The following RNF38 variants were observed in gnomAD, a reference collection of about 807,000 sequenced individuals.
RNF38 encodes the protein ring finger protein 38.
In RNF38, 15 loss-of-function variants were observed where a neutral mutation model predicts 67.2. The ratio of observed to expected loss-of-function variants is 0.22; its 90% CI spans 0.15 to 0.34. The LOEUF (loss-of-function observed/expected upper bound fraction) is 0.34, where lower values mean the gene tolerates loss of function less well. Among genes scored for constraint, RNF38 ranks in the 10% least tolerant of loss-of-function variants. The probability of loss-of-function intolerance (pLI) is 1.00; values close to 1 mark genes in which losing one functional copy is unlikely to be tolerated. For synonymous variants in RNF38, 220 were observed against 218.8 expected, an observed-to-expected ratio of 1.01 and a Z score of -0.05; for missense variants, 524 against 639.9, an observed-to-expected ratio of 0.82 and a Z score of 1.95.
At chr9:36,438,722 G>C (rs935490934) in intron 1 of RNF38, among the ~76,000 whole-genome samples, 31 of 152,282 alleles carry the variant, frequency 2.0e-4, no homozygotes, top group African/African-American at 7.2e-4. Flanking sequence ...GATGACAATG[G>C]TATTTCTACC....
At chr9:36,440,044 G>A (rs1461742691) in intron 1 of RNF38, among the ~76,000 whole-genome samples, 4 of 151,990 alleles carry the variant, frequency 2.6e-5, no homozygotes, top group East Asian at 1.9e-4. Context: ...TCAGGAGTTC[G>A]AGGCCAGCCT....
chr9:36,434,833 A>G (rs1839025059), intron 1 of RNF38, among the ~76,000 whole-genome samples: 1 of 152,236 alleles, frequency 6.6e-6, no homozygotes, highest in South Asian at 2.1e-4. Context: ...TGAGGGCAGG[A>G]AATTCCCTTG....
intron 2 of RNF38, among the ~76,000 whole-genome samples, chr9:36,413,260 TC>T (rs1482796561): frequency 6.7e-6 from 1 of 149,728 alleles, no homozygotes; most frequent in Non-Finnish European, 1.5e-5. Flanking sequence ...GCATGGCATC[TC>T]CCCACAACTC....
At chr9:36,482,801 A>C (rs921362291) in intron 1 of RNF38, among the ~76,000 whole-genome samples, 1 of 152,198 alleles carries the variant, frequency 6.6e-6, no homozygotes, top group Non-Finnish European at 1.5e-5. Flanking sequence ...GAACTCTTGA[A>C]GCCCCTAGGG....
At chr9:36,342,730 T>TAC (rs1832943436) in intron 10 of RNF38, among the ~76,000 whole-genome samples, 1 of 152,174 alleles carries the variant, frequency 6.6e-6, no homozygotes, top group African/African-American at 2.4e-5. Flanking sequence ...GGTGGACCCC[T>TAC]ACCTCATACC....
chr9:36,486,728 T>C (rs1053414136), intron 1 of RNF38, among the ~76,000 whole-genome samples: 2 of 151,686 alleles, frequency 1.3e-5, no homozygotes, highest in African/African-American at 4.8e-5. Flanking sequence ...CGCACAGAAG[T>C]CTTTCCCGCT....
intron 1 of RNF38, among the ~76,000 whole-genome samples, chr9:36,472,726 C>A (rs534107244): frequency 7.8e-4 from 119 of 152,268 alleles, no homozygotes; most frequent in African/African-American, 2.8e-3. Flanking sequence ...TTTAAGTGCC[C>A]AAACAAGCAC....
chr9:36,431,463 A>G (rs902668517), intron 1 of RNF38, among the ~76,000 whole-genome samples: 1 of 152,240 alleles, frequency 6.6e-6, no homozygotes, highest in East Asian at 1.9e-4. Context: ...CCAGTCATAT[A>G]CATAGTCCCT....
At chr9:36,465,064 C>G (rs1234850054) in intron 1 of RNF38, among the ~76,000 whole-genome samples, 1 of 152,180 alleles carries the variant, frequency 6.6e-6, no homozygotes, top group Non-Finnish European at 1.5e-5. Flanking sequence ...GATACCACTT[C>G]CCACCCACTA....
Position 36,400,179 on chromosome 9 carries a change from A to C in RNF38, c.-71T>G. Reference sequence around the variant, plus strand: ...TGAAACACTCCCGTTTCAAAAACCAACCTCTCTCACGCTTCAACCCTGAAA... The same window carrying C: ...TGAAACACTCCCGTTTCAAAAACCACCCTCTCTCACGCTTCAACCCTGAAA... On this transcript the variant is annotated 5_prime_UTR_variant, in exon 1 of 12. Transcript: ENST00000259605. 1 of 1,589,998 alleles carries C rather than the reference A, an allele frequency of 6.3e-7. No homozygotes were observed. The highest frequency in any genetic ancestry group is 8.6e-7 in the Non-Finnish European group (1 of 1,168,762).
chr9:36,339,824 AAAAAGG>A lies in RNF38; in HGVS notation c.1486-16_1486-11del, dbSNP rs1450795849. The A allele has an allele frequency of 6.2e-7, 1 of 1,608,578 alleles. No individual in the cohort carries two copies. Among genetic ancestry groups the A allele is most frequent in the Non-Finnish European group, 8.5e-7 (1 of 1,176,454 alleles). On this transcript the variant is annotated splice_polypyrimidine_tract_variant and intron_variant, in intron 11 of 11. Transcript: ENST00000259605. The stretch of plus-strand genomic sequence containing the variant: ...GGCAAGTACGATTTGCCTACAAAAC[AAAAAGG>A]AAAACTTGTTTAAATTGTGACACAT...
chr9:36,430,300 G>A (rs541016779), intron 1 of RNF38, among the ~76,000 whole-genome samples: 1 of 152,076 alleles, frequency 6.6e-6, no homozygotes, highest in Non-Finnish European at 1.5e-5. Context: ...TCCTCCTCCC[G>A]GGTTCAAGCG....
At chr9:36,422,365 C>A (rs905132034) in intron 2 of RNF38, among the ~76,000 whole-genome samples, 1 of 150,758 alleles carries the variant, frequency 6.6e-6, no homozygotes, top group Non-Finnish European at 1.5e-5. Flanking sequence ...TGCAGTGAGC[C>A]AAGACTGTAC....
At chr9:36,426,554 C>A (rs1473335870) in intron 1 of RNF38, among the ~76,000 whole-genome samples, 1 of 152,202 alleles carries the variant, frequency 6.6e-6, no homozygotes, top group African/African-American at 2.4e-5. Context: ...CATTTTGTTT[C>A]ACTCTGGAAA....
In RNF38 at chr9:36,339,113, C is replaced by G. The variant is rs1832661038; in HGVS notation, c.*639G>C. On this transcript the variant is annotated 3_prime_UTR_variant, in exon 12 of 12. Transcript: ENST00000259605. ...TATTCAATGCTTGTAATTGATGCACCCTCAGCAATCAGTGTGCAACAGCAA... is the reference window on the plus strand; with the variant it reads ...TATTCAATGCTTGTAATTGATGCACGCTCAGCAATCAGTGTGCAACAGCAA... 1.3e-5 allele frequency: 2 copies of G among 152,540 alleles called. No individual in the cohort carries two copies. The highest frequency in any genetic ancestry group is 1.3e-4 in the Admixed American group (2 of 15,270). 9.4% of individuals were successfully genotyped at this position (152,540 alleles called of 1,614,324 possible). A position where few individuals can be genotyped will look rare whatever the true frequency, so the allele number is the denominator to read the frequency against.
chr9:36,428,779 A>T (rs1427095357), intron 1 of RNF38, among the ~76,000 whole-genome samples: 1 of 152,188 alleles, frequency 6.6e-6, no homozygotes, highest in Non-Finnish European at 1.5e-5. Flanking sequence ...TGAAAGGTCC[A>T]TTCTAAAGAC....
At chr9:36,401,955 T>G (rs1335584730), upstream of RNF38, among the ~76,000 whole-genome samples, 3 of 152,118 alleles carry the variant, frequency 2.0e-5, no homozygotes, top group Non-Finnish European at 4.4e-5. Context: ...ATGGGGGAAA[T>G]CAGAGTAAAT....
chr9:36,372,626 G>C, intron 3 of RNF38: 1 of 670,124 alleles, frequency 1.5e-6, no homozygotes, highest in Non-Finnish European at 2.8e-6. Context: ...ACAGAATACA[G>C]AGTAAGACAC....
At chr9:36,392,304 A>T (rs1355644944) in intron 1 of RNF38, among the ~76,000 whole-genome samples, 1 of 152,266 alleles carries the variant, frequency 6.6e-6, no homozygotes, top group East Asian at 1.9e-4. Flanking sequence ...TTTAGAATTC[A>T]TTAGTTTTCT....
Sources: gnomAD v4.1 joint callset for allele counts (sites outside exome capture counted in the v4.1 genomes callset) on GRCh38, gnomAD v4.1.1 for gene constraint, MANE v1.5 for transcripts, NCBI Gene and HGNC (gene_info 2026-07-23, HGNC 2026-07-21) for gene names.